The following GOLM2 variants were observed in gnomAD, a reference collection of about 807,000 sequenced individuals.
The protein encoded by GOLM2 is golgi membrane protein 2.
GOLM2 carries 26 observed loss-of-function variants against 55.9 expected under a neutral mutation model. The ratio of observed to expected loss-of-function variants is 0.47; its 90% CI spans 0.34 to 0.65. The LOEUF (loss-of-function observed/expected upper bound fraction) is 0.65. Among genes scored for constraint, GOLM2 ranks in the 30% least tolerant of loss-of-function variants. The pLI is 0.01. For missense variants in GOLM2, 486 were observed against 531.8 expected (o/e 0.91, Z 0.85); for synonymous variants, 165 against 194.6 (o/e 0.85, Z 1.27).
At chr15:44,308,054 A>G (rs2141117168) in intron 1 of GOLM2, 1 of 152,344 alleles carries the variant, frequency 6.6e-6, no homozygotes, top group Non-Finnish European at 1.5e-5. Context: ...TTATTGTGGT[A>G]AAACATCTAT....
intron 1 of GOLM2, among the ~76,000 whole-genome samples, chr15:44,317,960 A>C (rs1436329399): frequency 6.6e-6 from 1 of 152,124 alleles, no homozygotes; most frequent in East Asian, 1.9e-4. Flanking sequence ...TCTCACATGT[A>C]TTTACCTCTC....
intron 6 of GOLM2, among the ~76,000 whole-genome samples, chr15:44,350,743 G>A (rs1479898182): frequency 6.6e-6 from 1 of 152,044 alleles, no homozygotes; most frequent in Non-Finnish European, 1.5e-5. Flanking sequence ...CTATCAAACC[G>A]AATTAAGGAA....
At chr15:44,310,377 G>A (rs997553059) in intron 1 of GOLM2, among the ~76,000 whole-genome samples, 11 of 151,320 alleles carry the variant, frequency 7.3e-5, no homozygotes, top group African/African-American at 1.5e-4. Flanking sequence ...AGGCCAAGGC[G>A]GGAATCTCTC....
intron 1 of GOLM2, among the ~76,000 whole-genome samples, chr15:44,302,056 A>G (rs528233536): frequency 6.6e-6 from 1 of 152,274 alleles, no homozygotes; most frequent in East Asian, 1.9e-4. Flanking sequence ...TTGATGTTGC[A>G]CTACAAGACT....
At chr15:44,344,780 A>ATT (rs201124610) in intron 6 of GOLM2, among the ~76,000 whole-genome samples, 2,161 of 141,248 alleles carry the variant, frequency 0.015, 61 homozygotes, top group African/African-American at 0.05. Flanking sequence ...TATTTAATTA[A>ATT]TTTTTTTTTT....
Position 44,289,954 on chromosome 15 carries a change from G to T in GOLM2, c.327+598G>T, listed in dbSNP as rs2078708589. ...TATATGTGAGACACACTTGTGTCTT[G>T]GACATAGTTGATCCATCATTATCTA... On this transcript the variant is annotated intron_variant, in intron 1 of 9. Coordinates refer to ENST00000299957, the MANE Select transcript of GOLM2 (RefSeq NM_138423.4). The surrounding 1 kb of genome is among the most constrained non-coding windows in gnomAD (Gnocchi z 4.8). Among the ~76,000 whole-genome samples, 1 of 152,040 alleles carries T rather than the reference G, an allele frequency of 6.6e-6. No individual in the cohort carries two copies. Among genetic ancestry groups the T allele is most frequent in the Non-Finnish European group, 1.5e-5 (1 of 68,018 alleles).
chr15:44,387,579 A>G (rs1005301899), intron 8 of GOLM2: 2 of 152,200 alleles, frequency 1.3e-5, no homozygotes, highest in African/African-American at 2.4e-5. Context: ...CCTGGCCAAC[A>G]TGGTGAAACC....
At chr15:44,374,124 A>T (rs922309859) in intron 6 of GOLM2, among the ~76,000 whole-genome samples, 8 of 152,182 alleles carry the variant, frequency 5.3e-5, no homozygotes, top group Admixed American at 1.3e-4. Context: ...TAAATATATA[A>T]ATAAATATTG....
chr15:44,369,725 T>C lies in GOLM2; in HGVS notation c.803-9965T>C, dbSNP rs1044325600. Among the ~76,000 whole-genome samples, 675 of 112,384 alleles carry C rather than the reference T, an allele frequency of 6.0e-3. 3 individuals are homozygous for C. Among genetic ancestry groups the C allele is most frequent in the African/African-American group, 0.023 (616 of 26,222 alleles). 73.7% of individuals were successfully genotyped at this position (112,384 alleles called of 152,430 possible). On this transcript the variant is annotated intron_variant, in intron 6 of 9. Coordinates refer to ENST00000299957, the MANE Select transcript of GOLM2 (RefSeq NM_138423.4). The stretch of plus-strand genomic sequence containing the variant: ...ACACACACACACACACACACACACA[T>C]ATATATATAAAGGGGAGTTTATTAA...
chr15:44,308,195 C>T (rs760797582), intron 1 of GOLM2: 2 of 152,120 alleles, frequency 1.3e-5, no homozygotes, highest in African/African-American at 2.4e-5. Flanking sequence ...CAAACAAAAC[C>T]TCTACCCATT....
At chr15:44,377,786 A>G (rs1286253789) in intron 6 of GOLM2, among the ~76,000 whole-genome samples, 2 of 152,106 alleles carry the variant, frequency 1.3e-5, no homozygotes, top group Non-Finnish European at 2.9e-5. Flanking sequence ...GACGTGGAAA[A>G]TATGTGTAAA....
At chr15:44,299,318 A>C (rs2078780286) in intron 1 of GOLM2, among the ~76,000 whole-genome samples, 1 of 150,892 alleles carries the variant, frequency 6.6e-6, no homozygotes, top group Non-Finnish European at 1.5e-5. Context: ...TTTGAGACAG[A>C]GTCTCGCTCT....
chr15:44,381,103 A>C, intron 8 of GOLM2, 127 bp downstream of exon 8: 2 of 534,984 alleles, frequency 3.7e-6, no homozygotes, highest in Non-Finnish European at 5.8e-6. Flanking sequence ...AGAAGGTATG[A>C]AAGTGTCAAA....
chr15:44,319,072 T>A (rs1269175859), intron 1 of GOLM2, among the ~76,000 whole-genome samples: 2 of 152,172 alleles, frequency 1.3e-5, no homozygotes, highest in East Asian at 3.8e-4. Context: ...ATTAAATCCT[T>A]CTATTAAGTT....
intron 6 of GOLM2, among the ~76,000 whole-genome samples, chr15:44,357,690 A>C (rs1435746124): frequency 6.6e-6 from 1 of 152,210 alleles, no homozygotes; most frequent in Admixed American, 6.5e-5. Context: ...CTAGTAAGTG[A>C]TTATAGAAAG....
chr15:44,379,323 A>G (rs951382309), intron 6 of GOLM2, among the ~76,000 whole-genome samples: 2 of 152,116 alleles, frequency 1.3e-5, no homozygotes, highest in African/African-American at 2.4e-5. Context: ...CTGAAAATAA[A>G]AAACTTACCC....
At chr15:44,318,264 A>G (rs938505523) in intron 1 of GOLM2, among the ~76,000 whole-genome samples, 3 of 152,256 alleles carry the variant, frequency 2.0e-5, no homozygotes, top group Non-Finnish European at 4.4e-5. Context: ...TTCCTTCCCT[A>G]CAAAAACAGG....
In GOLM2 at chr15:44,288,750, G is replaced by T; in HGVS notation, c.-280G>T. On this transcript the variant is annotated 5_prime_UTR_variant, in exon 1 of 10. Transcript: ENST00000299957. ...TCCCAACCGTGAGGTGTTGGGTTTG[G>T]GGGACGCTGGCAGCTGGGTTCTCCC... The T allele has an allele frequency of 2.1e-6, 1 of 473,842 alleles. No homozygotes were observed. Among genetic ancestry groups the T allele is most frequent in the South Asian group, 2.9e-5 (1 of 34,686 alleles). The allele number at this position is 473,842 out of a possible 1,614,324, so 29.4% of individuals were successfully genotyped here.
At chr15:44,294,826 A>G (rs528886696) in intron 1 of GOLM2, among the ~76,000 whole-genome samples, 66 of 151,562 alleles carry the variant, frequency 4.4e-4, no homozygotes, top group Non-Finnish European at 7.4e-4. Context: ...ACTGGGAAGC[A>G]GAGGTTGCAG....
Sources: allele counts gnomAD v4.1 joint callset (sites outside exome capture counted in the v4.1 genomes callset), GRCh38; gene constraint gnomAD v4.1.1; non-coding constraint Gnocchi (gnomAD v3.1); transcripts MANE v1.5; gene names NCBI Gene and HGNC (gene_info 2026-07-23, HGNC 2026-07-21).